Variants in SYNPO observed in about 807,000 individuals in gnomAD.
SYNPO encodes synaptopodin.
A neutral mutation model predicts 49.5 loss-of-function variants in SYNPO; 19 were observed. The ratio of observed to expected loss-of-function variants is 0.38; its 90% CI spans 0.27 to 0.56. The LOEUF (loss-of-function observed/expected upper bound fraction) is 0.56. Ranked by LOEUF, SYNPO falls within the 20% of genes least tolerant of loss-of-function variation. SYNPO has a pLI of 0.68. For missense variants in SYNPO, 1,131 were observed against 1,248.3 expected (o/e 0.91, Z 1.42); for synonymous variants, 536 against 548.0 (o/e 0.98, Z 0.31).
chr5:150,613,442 C>T (rs1756904064), intron 1 of SYNPO, among the ~76,000 whole-genome samples: 1 of 152,218 alleles, frequency 6.6e-6, no homozygotes, highest in South Asian at 2.1e-4. Flanking sequence ...CTTCACTGGG[C>T]CTTGATGGAT....
In SYNPO at chr5:150,648,379, C is replaced by T. The variant is rs1169868768; in HGVS notation, c.104C>T (p.Ala35Val). ...PLVVYLKENA[A>V]LLTANGLHLS... is the part of the protein sequence containing the mutation. ...GTGGTTTATCTAAAGGAGAATGCAG[C>T]ACTGCTGACAGCCAATGGGCTGCAC... Residue 35 changes from alanine (A) to valine (V), a missense_variant, in exon 2 of 3, where the codon GCA (alanine) becomes GTA (valine). Ala to Val is a moderately conservative substitution (Grantham distance 64). Coordinates refer to ENST00000307662, the MANE Select transcript of SYNPO (RefSeq NM_007286.6). The surrounding 1 kb of genome is among the most constrained non-coding windows in gnomAD (Gnocchi z 5.0). 1 of 1,614,076 alleles carries T rather than the reference C, an allele frequency of 6.2e-7. No homozygotes were observed. Among genetic ancestry groups the T allele is most frequent in the Non-Finnish European group, 8.5e-7 (1 of 1,180,046 alleles).
chr5:150,604,951 C>A (rs534842948), intron 1 of SYNPO, among the ~76,000 whole-genome samples: 2 of 152,308 alleles, frequency 1.3e-5, no homozygotes, highest in African/African-American at 2.4e-5. Context: ...CTCCCCATGG[C>A]TCCATAACTT....
At chr5:150,654,670 G>A (rs1328699711) in intron 2 of SYNPO, among the ~76,000 whole-genome samples, 1 of 152,132 alleles carries the variant, frequency 6.6e-6, no homozygotes, top group Non-Finnish European at 1.5e-5. Context: ...GCTCAGTGAG[G>A]GGCGTGTGCT....
chr5:150,656,482 G>GTGAGCC lies in SYNPO; in HGVS notation c.2108_2113dup (p.Ser704_Pro705insLeuSer). The GTGAGCC allele has an allele frequency of 3.3e-6, 5 of 1,532,648 alleles. No individual in the cohort carries two copies. Among genetic ancestry groups the GTGAGCC allele is most frequent in the Non-Finnish European group, 4.4e-6 (5 of 1,145,512 alleles). The allele number at this position is 1,532,648 out of a possible 1,614,324, so 94.9% of individuals were successfully genotyped here. ...GCCCCCCAGCAGCCTAGACGGCTGG[G>GTGAGCC]TGAGCCCGGGCCCGTGGGAGCCAGG... On this transcript the variant is annotated inframe_insertion, in exon 3 of 3. Coordinates refer to ENST00000307662, the MANE Select transcript of SYNPO (RefSeq NM_007286.6).
intron 2 of SYNPO, among the ~76,000 whole-genome samples, chr5:150,631,414 T>A (rs1449221815): frequency 1.3e-5 from 2 of 151,926 alleles, no homozygotes; most frequent in Admixed American, 6.6e-5. Flanking sequence ...AAGAAAGAGC[T>A]CTAGGAAAAG....
intron 1 of SYNPO, among the ~76,000 whole-genome samples, chr5:150,610,253 C>A (rs1312514911): frequency 6.6e-6 from 1 of 152,118 alleles, no homozygotes; most frequent in African/African-American, 2.4e-5. Flanking sequence ...GTCACCAAAG[C>A]CCAAGAGTGG....
Position 150,649,841 on chromosome 5 carries a change from C to T in SYNPO, c.1566C>T (p.Pro522=), listed in dbSNP as rs1343857794. The change falls in exon 2 of 3, where the codon CCC becomes CCT. Residue 522 remains proline, a synonymous_variant. Coordinates refer to ENST00000307662, the MANE Select transcript of SYNPO (RefSeq NM_007286.6). ...TMSLPSSWKY[P]TNAPGAFRVA... is the part of the protein sequence containing the mutation. ...CCCTGCCTTCCTCCTGGAAATACCCCACTAACGCCCCCGGGGCCTTCCGAG... is the reference window on the plus strand; with the variant it reads ...CCCTGCCTTCCTCCTGGAAATACCCTACTAACGCCCCCGGGGCCTTCCGAG... 1.9e-6 allele frequency: 3 copies of T among 1,608,982 alleles called. No homozygotes were observed. In the East Asian group the frequency reaches 6.7e-5, roughly 36 times the overall value.
chr5:150,611,687 G>C (rs1190024591), intron 1 of SYNPO, among the ~76,000 whole-genome samples: 1 of 152,214 alleles, frequency 6.6e-6, no homozygotes, highest in African/African-American at 2.4e-5. Flanking sequence ...ACTGATGGCC[G>C]CTGAGGAAGG....
At chr5:150,654,691 G>A (rs962472205) in intron 2 of SYNPO, among the ~76,000 whole-genome samples, 1 of 152,190 alleles carries the variant, frequency 6.6e-6, no homozygotes, top group Non-Finnish European at 1.5e-5. Context: ...GCCTAGGGAG[G>A]AATGGCCCGA....
chr5:150,597,031 G>T (rs1030221703), upstream of SYNPO, among the ~76,000 whole-genome samples: 2 of 152,226 alleles, frequency 1.3e-5, no homozygotes, highest in African/African-American at 4.8e-5. Context: ...ACCTAGTGCT[G>T]TGTCTCAATA....
chr5:150,649,992 G>A lies in SYNPO; in HGVS notation c.1717G>A (p.Val573Ile), dbSNP rs1243563180. 1 of 1,612,694 alleles carries A rather than the reference G, an allele frequency of 6.2e-7. No homozygotes were observed. Among genetic ancestry groups the A allele is most frequent in the Admixed American group, 1.7e-5 (1 of 60,032 alleles). The change falls in exon 2 of 3, where the codon GTC becomes ATC. Residue 573 changes from valine to isoleucine, a missense_variant. Transcript: ENST00000307662. ...PPYQLRPSLF[V>I]LSPIKEPAKV... ...ATACCAGCTGCGCCCCTCGCTCTTT[G>A]TCCTCTCACCTATCAAGGAGCCTGC... is the stretch of plus-strand genomic sequence containing the variant.
intron 1 of SYNPO, 148 bp downstream of exon 1, chr5:150,641,002 G>A (rs1469210473): frequency 6.3e-6 from 2 of 316,834 alleles, no homozygotes; most frequent in African/African-American, 2.2e-5. Flanking sequence ...GTGGTGAGGC[G>A]GGGGCTGGGC....
the SYNPO span, among the ~76,000 whole-genome samples, chr5:150,588,685 G>C: frequency 3.3e-5 from 5 of 152,100 alleles, no homozygotes; most frequent in Admixed American, 3.3e-4. Context: ...GGAGAGAAGA[G>C]GAGGCTGGGG....
intron 2 of SYNPO, among the ~76,000 whole-genome samples, chr5:150,632,453 ATATT>A (rs1176991631): frequency 6.6e-6 from 1 of 152,196 alleles, no homozygotes; most frequent in Non-Finnish European, 1.5e-5. Flanking sequence ...CACCCACTGT[ATATT>A]TATTCATCCC....
exon 2 of SYNPO, chr5:150,618,353 A>G (rs942931902): frequency 1.3e-6 from 2 of 1,531,802 alleles, no homozygotes; most frequent in Non-Finnish European, 1.8e-6. Flanking sequence ...TGCATCGCTG[A>G]GGAAGAACAG....
intron 2 of SYNPO, chr5:150,625,053 C>T: frequency 1.9e-5 from 16 of 859,402 alleles, no homozygotes; most frequent in Non-Finnish European, 2.2e-5. Flanking sequence ...GGCCAAGTCG[C>T]TTCTACACTT....
At chr5:150,590,768 C>T in the SYNPO span, among the ~76,000 whole-genome samples, 1 of 152,114 alleles carries the variant, frequency 6.6e-6, no homozygotes, top group Non-Finnish European at 1.5e-5. Context: ...TAGCACGGTG[C>T]CTGACACGTG....
chr5:150,601,870 T>C (rs1756551419), intron 1 of SYNPO, among the ~76,000 whole-genome samples: 1 of 152,196 alleles, frequency 6.6e-6, no homozygotes, highest in Non-Finnish European at 1.5e-5. Context: ...TCTGCCCATT[T>C]CCCTGGGGGA....
At chr5:150,599,706 C>T (rs1429664457), upstream of SYNPO, among the ~76,000 whole-genome samples, 10 of 152,204 alleles carry the variant, frequency 6.6e-5, no homozygotes, top group South Asian at 2.1e-4. Flanking sequence ...TGGGGGTCGG[C>T]GGTGGGGGCT....
Sources: gnomAD v4.1 joint callset for allele counts (sites outside exome capture counted in the v4.1 genomes callset) on GRCh38, gnomAD v4.1.1 for gene constraint, Gnocchi (gnomAD v3.1) non-coding constraint, MANE v1.5 for transcripts, NCBI Gene and HGNC (gene_info 2026-07-23, HGNC 2026-07-21) for gene names.